Variants in SMG5 observed in about 807,000 individuals in gnomAD.
The protein encoded by SMG5 is SMG5 nonsense mediated mRNA decay factor.
A neutral mutation model predicts 122.9 loss-of-function variants in SMG5; 53 were observed. The observed-to-expected ratio is 0.43, with a 90% CI of 0.35 to 0.54. SMG5 has a LOEUF of 0.54. SMG5 is among the 20% of genes least tolerant of loss of function. The pLI is 0.01. For synonymous variants in SMG5, 477 were observed against 490.2 expected, an observed-to-expected ratio of 0.97 and a Z score of 0.35; for missense variants, 1,153 against 1,285.6, an observed-to-expected ratio of 0.90 and a Z score of 1.58.
In SMG5 at chr1:156,249,530, G is replaced by A. The variant is rs1661209820; in HGVS notation, c.*1057C>T. On this transcript the variant is annotated 3_prime_UTR_variant, in exon 22 of 22. Coordinates refer to ENST00000361813, the MANE Select transcript of SMG5 (RefSeq NM_015327.3). ...CCCTGCTCTTGGTGCGCCATTCACTGCCCTGAGCTATTCATGATCTCTGCT... is the reference window on the plus strand; with the variant it reads ...CCCTGCTCTTGGTGCGCCATTCACTACCCTGAGCTATTCATGATCTCTGCT... The A allele has an allele frequency of 2.2e-5, 8 of 363,288 alleles. No homozygotes were observed. The highest frequency in any genetic ancestry group is 1.5e-4 in the South Asian group (7 of 48,160). The allele number at this position is 363,288 out of a possible 1,614,324, so 22.5% of individuals were successfully genotyped here.
chr1:156,274,468 GAA>G, intron 5 of SMG5, 127 bp downstream of exon 5: 1 of 784,948 alleles, frequency 1.3e-6, no homozygotes. Context: ...AGATGGGAGG[GAA>G]AAAGTTATCA....
intron 10 of SMG5, 125 bp from the exon 11 acceptor site, chr1:156,266,803 T>C: frequency 4.4e-6 from 2 of 454,556 alleles, no homozygotes; most frequent in Non-Finnish European, 5.9e-6. Context: ...CAAAGATTCT[T>C]TTTTTTTTTT....
chr1:156,287,272 C>T (rs935833625), upstream of SMG5, among the ~76,000 whole-genome samples: 5 of 151,544 alleles, frequency 3.3e-5, no homozygotes, highest in South Asian at 6.3e-4. Flanking sequence ...AAAAATTAGC[C>T]GGGTGTGGTG....
Position 156,252,945 on chromosome 1 carries a change from C to T in SMG5, c.2636G>A (p.Arg879His), listed in dbSNP as rs758908853. The T allele has an allele frequency of 2.2e-5, 35 of 1,610,164 alleles. No individual in the cohort carries two copies. The South Asian group carries it at 2.2e-4, about 10-fold the overall frequency. Residue 879 changes from arginine to histidine, a missense_variant, in exon 18 of 22, where the codon CGC (arginine) becomes CAC (histidine). Arg to His is a conservative substitution (Grantham distance 29). Transcript: ENST00000361813. The stretch of plus-strand genomic sequence containing the variant: ...TGTCCTTGGGATGATGACAATGAAG[C>T]GGCCACTGGTGGCCAGTTGGCGGAT... ...PVIRQLATSG[R>H]FIVIIPRTVI...
Position 156,265,960 on chromosome 1 carries a change from C to T in SMG5, c.1676G>A (p.Ser559Asn). 1 of 1,614,214 alleles carries T rather than the reference C, an allele frequency of 6.2e-7. No homozygotes were observed. The highest frequency in any genetic ancestry group is 8.5e-7 in the Non-Finnish European group (1 of 1,180,036). ...PDSLNGPLGP[S>N]EASIASNLQA... ...TAGATTGCTGGCAATGCTAGCCTCA[C>T]TGGGGCCCAGTGGGCCATTGAGGGA... The change falls in exon 12 of 22, where the codon AGT becomes AAT. Residue 559 changes from serine (S) to asparagine (N), a missense_variant. Coordinates refer to ENST00000361813, the MANE Select transcript of SMG5 (RefSeq NM_015327.3).
Position 156,265,938 on chromosome 1 carries a change from A to G in SMG5, c.1698T>C (p.Asn566=), listed in dbSNP as rs1359988319. The change falls in exon 12 of 22, where the codon AAT becomes AAC. Residue 566 remains asparagine (N), a synonymous_variant. Transcript: ENST00000361813. ...LGPSEASIAS[N]LQAMSTQMFQ... is the part of the protein sequence containing the mutation. ...ACATCTGGGTGGACATGGCTTGTAG[A>G]TTGCTGGCAATGCTAGCCTCACTGG... 6.2e-7 allele frequency: 1 copy of G among 1,614,126 alleles called. No homozygotes were observed. The highest frequency in any genetic ancestry group is 2.2e-5 in the East Asian group (1 of 44,880).
intron 2 of SMG5, among the ~76,000 whole-genome samples, chr1:156,278,293 G>A (rs770673015): frequency 4.0e-5 from 6 of 151,642 alleles, no homozygotes; most frequent in Admixed American, 6.6e-5. Context: ...TGTACACTTC[G>A]CTCTCTTTTT....
upstream of SMG5, among the ~76,000 whole-genome samples, chr1:156,285,030 T>C (rs1458645838): frequency 2.6e-5 from 4 of 152,164 alleles, no homozygotes; most frequent in Non-Finnish European, 5.9e-5. Flanking sequence ...CTCCCTCTGT[T>C]TCAGTGTCTT....
chr1:156,277,977 A>T lies in SMG5; in HGVS notation c.245T>A (p.Leu82Gln), dbSNP rs752359753. Residue 82 changes from leucine to glutamine, a missense_variant, in exon 3 of 22, where the codon CTG becomes CAG. Physicochemically the swap from Leu to Gln is moderately radical, Grantham distance 113. This residue lies in a region of SMG5 where 213 missense variants were observed against 197.5 expected (regional missense o/e 1.08). Transcript: ENST00000361813. ...AACTTCATAGTATACCTTTCTCCAC[A>T]GCAGCTCCTCAGCCTTTCTCCCATA... is the stretch of plus-strand genomic sequence containing the variant. ...VDYGRKAEEL[L>Q]WRKVYYEVIQ... 6.2e-7 allele frequency: 1 copy of T among 1,614,046 alleles called. No homozygotes were observed. Among genetic ancestry groups the T allele is most frequent in the African/African-American group, 1.3e-5 (1 of 74,912 alleles).
In SMG5 at chr1:156,268,340, G is replaced by A. The variant is rs1367213762; in HGVS notation, c.789C>T (p.Tyr263=). The A allele has an allele frequency of 4.3e-6, 7 of 1,614,158 alleles. No homozygotes were observed. The highest frequency in any genetic ancestry group is 5.9e-6 in the Non-Finnish European group (7 of 1,180,038). ...GAGTCTCACACTTCTTCAGTTGGTG[G>A]TACATTTTGGCTGCCTTGTCATACA... ...KRLYDKAAKM[Y]HQLKKCETRK... Residue 263 remains tyrosine (Y), a synonymous_variant, in exon 8 of 22, where the codon TAC becomes TAT. Transcript: ENST00000361813.
At chr1:156,254,199 T>C (rs577732987) in intron 16 of SMG5, among the ~76,000 whole-genome samples, 1 of 152,334 alleles carries the variant, frequency 6.6e-6, no homozygotes, top group African/African-American at 2.4e-5. Flanking sequence ...ACACCTCTCC[T>C]TGACTACTGT....
In SMG5 at chr1:156,251,005, G is replaced by A. The variant is rs771903063; in HGVS notation, c.2829-9C>T. The A allele has an allele frequency of 7.4e-6, 12 of 1,611,286 alleles. No homozygotes were observed. The highest frequency in any genetic ancestry group is 1.1e-5 in the South Asian group (1 of 91,038). On this transcript the variant is annotated splice_polypyrimidine_tract_variant and intron_variant, in intron 20 of 21. Transcript: ENST00000361813. ...GGATCTTATAGAGAGTCCTGGGGAT[G>A]GGGGGCAGAGGGGAAGATGGGCCAA...
At chr1:156,287,663 G>GGA (rs1048870756), upstream of SMG5, among the ~76,000 whole-genome samples, 1 of 142,716 alleles carries the variant, frequency 7.0e-6, no homozygotes, top group Admixed American at 7.2e-5. Context: ...TGCCCAGGCT[G>GGA]GAGAGTACAA....
intron 12 of SMG5, among the ~76,000 whole-genome samples, chr1:156,264,989 G>A (rs1328693398): frequency 1.3e-5 from 2 of 149,224 alleles, no homozygotes. Flanking sequence ...TCGTGCCACT[G>A]CCCTCCAGCC....
chr1:156,271,283 T>A (rs1047243589), intron 7 of SMG5, among the ~76,000 whole-genome samples: 1 of 152,228 alleles, frequency 6.6e-6, no homozygotes, highest in African/African-American at 2.4e-5. Flanking sequence ...GGATATACTT[T>A]AGTAGTTGAC....
chr1:156,285,835 C>G, upstream of SMG5: 1 of 1,613,600 alleles, frequency 6.2e-7, no homozygotes, highest in Non-Finnish European at 8.5e-7. Context: ...CTGTGGCCTC[C>G]GTGGGAGCCG....
intron 18 of SMG5, 91 bp from the exon 19 acceptor site, chr1:156,252,595 C>T (rs1406033968): frequency 2.2e-6 from 3 of 1,351,540 alleles, no homozygotes; most frequent in Non-Finnish European, 3.1e-6. Flanking sequence ...CACCTCAGTA[C>T]ACTCTTCAGG....
chr1:156,262,006 G>T (rs187363684), intron 13 of SMG5, among the ~76,000 whole-genome samples: 1 of 152,184 alleles, frequency 6.6e-6, no homozygotes, highest in Admixed American at 6.5e-5. Flanking sequence ...AGGCTGCAGT[G>T]GAGCTGAGGT....
intron 1 of SMG5, among the ~76,000 whole-genome samples, chr1:156,281,802 TCTC>T (rs1662961661): frequency 6.6e-6 from 1 of 152,134 alleles, no homozygotes; most frequent in South Asian, 2.1e-4. Context: ...CCCAACAAAT[TCTC>T]CACCTTTGAT....
Sources: gnomAD v4.1 joint callset for allele counts (sites outside exome capture counted in the v4.1 genomes callset) on GRCh38, gnomAD v4.1.1 for gene constraint, gnomAD v4.1.1 regional missense constraint, MANE v1.5 for transcripts, NCBI Gene and HGNC (gene_info 2026-07-23, HGNC 2026-07-21) for gene names.